CPEB1: variants seen among roughly 807,000 people sequenced by gnomAD.
CPEB1 encodes cytoplasmic polyadenylation element-binding protein 1.
CPEB1 carries 7 observed loss-of-function variants against 65.8 expected under a neutral mutation model. The ratio of observed to expected loss-of-function variants is 0.11; its 90% CI spans 0.06 to 0.20. The LOEUF (loss-of-function observed/expected upper bound fraction) is 0.20, where lower values mean the gene tolerates loss of function less well. Among genes scored for constraint, CPEB1 ranks in the 10% least tolerant of loss-of-function variants. CPEB1 has a pLI of 1.00. For synonymous variants in CPEB1, 262 were observed against 260.0 expected (o/e 1.01, Z -0.08); for missense variants, 551 against 712.2 (o/e 0.77, Z 2.58).
At chr15:82,634,400 C>G (rs1191319301) in intron 1 of CPEB1, among the ~76,000 whole-genome samples, 1 of 152,182 alleles carries the variant, frequency 6.6e-6, no homozygotes, top group Admixed American at 6.5e-5. Flanking sequence ...GCCATTCTGG[C>G]AGCTCAAAAT....
intron 5 of CPEB1, chr15:82,556,356 A>G (rs528398271): frequency 2.2e-6 from 1 of 464,184 alleles, no homozygotes; most frequent in East Asian, 4.3e-5. Context: ...ACCATTTAAA[A>G]TGCATTTATC....
At chr15:82,621,643 A>C (rs1250852702) in intron 3 of CPEB1, among the ~76,000 whole-genome samples, 1 of 151,656 alleles carries the variant, frequency 6.6e-6, no homozygotes, top group Non-Finnish European at 1.5e-5. Flanking sequence ...AAAATCTAAC[A>C]TCAGGCTACA....
intron 3 of CPEB1, among the ~76,000 whole-genome samples, chr15:82,614,352 T>G (rs1346686893): frequency 6.6e-6 from 1 of 152,232 alleles, no homozygotes; most frequent in Admixed American, 6.5e-5. Flanking sequence ...GGGTGTCTGC[T>G]GTATAACTGA....
rs771998385 is a variant in CPEB1 at position 82,571,327 on chromosome 15, C to CA, written c.460+16dup. ...ATGCATCCCCTTACCCCAGCCAACT[C>CA]ATTCTCTGGCACTCACCCGAGTGTG... is the stretch of plus-strand genomic sequence containing the variant. On this transcript the variant is annotated intron_variant, in intron 4 of 12. Coordinates refer to ENST00000684509, the MANE Select transcript of CPEB1 (RefSeq NM_001365242.1). 6.3e-7 allele frequency: 1 copy of CA among 1,599,924 alleles called. No homozygotes were observed. The highest frequency in any genetic ancestry group is 1.1e-5 in the South Asian group (1 of 89,282).
chr15:82,627,375 C>G lies in CPEB1; in HGVS notation c.97-8G>C, dbSNP rs1204804552. 2 of 1,589,044 alleles carry G rather than the reference C, an allele frequency of 1.3e-6. No individual in the cohort carries two copies. Among genetic ancestry groups the G allele is most frequent in the African/African-American group, 2.7e-5 (2 of 73,056 alleles). On this transcript the variant is annotated splice_region_variant and splice_polypyrimidine_tract_variant and intron_variant, in intron 2 of 12. Transcript: ENST00000684509. Reference sequence around the variant, plus strand: ...CCTTCCTGCTTCTTCTTCCTAGACACAGAAAAAAAAAGATATTTAGGTTTT... The same window carrying G: ...CCTTCCTGCTTCTTCTTCCTAGACAGAGAAAAAAAAAGATATTTAGGTTTT...
At chr15:82,594,862 GA>G (rs34381421) in intron 3 of CPEB1, among the ~76,000 whole-genome samples, 2 of 151,960 alleles carry the variant, frequency 1.3e-5, no homozygotes, top group Non-Finnish European at 2.9e-5. Flanking sequence ...GGAGGCCCAA[GA>G]AAGTGGGAGA....
intron 4 of CPEB1, among the ~76,000 whole-genome samples, chr15:82,563,129 A>C (rs989125765): frequency 1.3e-5 from 2 of 152,198 alleles, no homozygotes; most frequent in African/African-American, 4.8e-5. Flanking sequence ...AAAAACATTC[A>C]AGACAACCCA....
intron 1 of CPEB1, chr15:82,629,139 T>C (rs2046022704): frequency 2.7e-6 from 1 of 368,950 alleles, no homozygotes; most frequent in Non-Finnish European, 3.8e-6. Flanking sequence ...AAATTTTCAT[T>C]CTGCCATTTA....
intron 4 of CPEB1, among the ~76,000 whole-genome samples, chr15:82,563,076 T>C (rs1243430920): frequency 1.3e-5 from 2 of 152,144 alleles, no homozygotes; most frequent in East Asian, 1.9e-4. Context: ...AGGATTATCA[T>C]AGTTTCAGGA....
At chr15:82,566,863 C>T (rs1002159045) in intron 4 of CPEB1, among the ~76,000 whole-genome samples, 1 of 152,056 alleles carries the variant, frequency 6.6e-6, no homozygotes. Flanking sequence ...TGTATAATTA[C>T]ATCACCGTCC....
At chr15:82,613,850 T>C (rs1483155475) in intron 3 of CPEB1, among the ~76,000 whole-genome samples, 25 of 152,072 alleles carry the variant, frequency 1.6e-4, no homozygotes, top group South Asian at 2.1e-4. Flanking sequence ...CCTGGAACTC[T>C]ACCACCCCGC....
chr15:82,550,780 A>G (rs1350600227), intron 9 of CPEB1, among the ~76,000 whole-genome samples: 3 of 152,196 alleles, frequency 2.0e-5, no homozygotes, highest in African/African-American at 7.2e-5. Context: ...AGAAAAGAAG[A>G]AGGGAGTCAA....
At chr15:82,614,509 G>T (rs1457241622) in intron 3 of CPEB1, among the ~76,000 whole-genome samples, 1 of 152,084 alleles carries the variant, frequency 6.6e-6, no homozygotes, top group Non-Finnish European at 1.5e-5. Flanking sequence ...AATAAATACT[G>T]ATTGTGAACA....
chr15:82,619,552 CAT>C (rs1457451921), intron 3 of CPEB1, among the ~76,000 whole-genome samples: 1 of 152,100 alleles, frequency 6.6e-6, no homozygotes, highest in African/African-American at 2.4e-5. Context: ...ACAAAGAACT[CAT>C]ATGTGGCCTA....
intron 3 of CPEB1, among the ~76,000 whole-genome samples, chr15:82,597,171 A>T (rs1241560974): frequency 2.0e-5 from 3 of 152,172 alleles, no homozygotes; most frequent in Non-Finnish European, 4.4e-5. Context: ...CAAAAAAATG[A>T]AAAAGTTAAG....
rs529761682 is a variant in CPEB1, at chr15:82,592,864, G to A, written c.272-21332C>T. ...ACAAAAAAATTAGCCGGGCATGGTG[G>A]CACATGCCTGTGGTCCCAGCTACTC... On this transcript the variant is annotated intron_variant, in intron 3 of 12. Coordinates refer to ENST00000684509, the MANE Select transcript of CPEB1 (RefSeq NM_001365242.1). Among the ~76,000 whole-genome samples, 21 of 152,094 alleles carry A rather than the reference G, an allele frequency of 1.4e-4. No homozygotes were observed. The East Asian group carries it at 3.3e-3, about 24-fold the overall frequency.
intron 3 of CPEB1, among the ~76,000 whole-genome samples, chr15:82,605,280 T>C (rs1006372019): frequency 6.6e-6 from 1 of 152,134 alleles, no homozygotes; most frequent in Non-Finnish European, 1.5e-5. Context: ...GTTACTTTAA[T>C]CCACATGAAG....
At chr15:82,577,180 T>C (rs1265556988) in intron 3 of CPEB1, among the ~76,000 whole-genome samples, 1 of 152,164 alleles carries the variant, frequency 6.6e-6, no homozygotes, top group South Asian at 2.1e-4. Flanking sequence ...GTGTGTTTTG[T>C]TTTGTTTTTG....
intron 3 of CPEB1, among the ~76,000 whole-genome samples, chr15:82,582,737 C>CTT (rs11300517): frequency 2.0e-3 from 171 of 87,356 alleles, no homozygotes; most frequent in East Asian, 4.0e-3. Flanking sequence ...ACTAGGAGTT[C>CTT]TTTTTTTTTT....
Sources: allele counts gnomAD v4.1 joint callset (sites outside exome capture counted in the v4.1 genomes callset), GRCh38; gene constraint gnomAD v4.1.1; transcripts MANE v1.5; gene names NCBI Gene and HGNC (gene_info 2026-07-23, HGNC 2026-07-21).